Variants in SNTG1 observed in about 807,000 individuals in gnomAD.
The protein encoded by SNTG1 is syntrophin gamma 1, also known as gamma-1-syntrophin.
In SNTG1, 39 loss-of-function variants were observed where a neutral mutation model predicts 74.7. The ratio of observed to expected loss-of-function variants is 0.52; its 90% confidence interval spans 0.40 to 0.68. SNTG1 has a LOEUF of 0.68. SNTG1 is among the 30% of genes least tolerant of loss of function. The pLI is 0.00. For missense variants in SNTG1, 685 were observed against 609.5 expected (o/e 1.12, Z -1.30); for synonymous variants, 254 against 217.1 (o/e 1.17, Z -1.49).
At chr8:49,959,819 A>G (rs1190146667) in intron 1 of SNTG1, among the ~76,000 whole-genome samples, 1 of 152,180 alleles carries the variant, frequency 6.6e-6, no homozygotes, top group East Asian at 1.9e-4. Context: ...TTAGAATACA[A>G]ATGGTAACCT....
chr8:50,303,692 T>G (rs2089752842), intron 2 of SNTG1, among the ~76,000 whole-genome samples: 1 of 152,032 alleles, frequency 6.6e-6, no homozygotes, highest in South Asian at 2.1e-4. Context: ...TTATTAAATA[T>G]ATAATTTTTA....
At chr8:50,654,251 TATTCTC>T (rs1420286263) in intron 13 of SNTG1, among the ~76,000 whole-genome samples, 1 of 152,278 alleles carries the variant, frequency 6.6e-6, no homozygotes, top group East Asian at 1.9e-4. Context: ...CTTTTTCTCT[TATTCTC>T]ATATATGTTT....
chr8:50,648,209 ACT>A (rs1258587810), intron 13 of SNTG1, among the ~76,000 whole-genome samples: 1 of 152,130 alleles, frequency 6.6e-6, no homozygotes, highest in African/African-American at 2.4e-5. Flanking sequence ...CCAAAGCTAA[ACT>A]CAGTTCAAAA....
intron 5 of SNTG1, among the ~76,000 whole-genome samples, chr8:50,449,280 C>T (rs553605807): frequency 6.6e-6 from 1 of 152,104 alleles, no homozygotes; most frequent in Non-Finnish European, 1.5e-5. Flanking sequence ...GTCACTGCAC[C>T]ACCAAAAGCC....
intron 2 of SNTG1, among the ~76,000 whole-genome samples, chr8:50,312,713 G>A (rs62515925): frequency 0.16 from 24,259 of 149,696 alleles, 2,820 homozygotes; most frequent in Middle Eastern, 0.28. Flanking sequence ...TCATCTCTAC[G>A]TTTTCTCAAT....
intron 1 of SNTG1, among the ~76,000 whole-genome samples, chr8:50,120,644 C>T (rs2080966658): frequency 7.1e-6 from 1 of 141,844 alleles, no homozygotes; most frequent in Non-Finnish European, 1.6e-5. Flanking sequence ...CTGTCACTAC[C>T]AACCTCACCA....
At chr8:50,101,009 C>T (rs2080101339) in intron 1 of SNTG1, among the ~76,000 whole-genome samples, 1 of 152,116 alleles carries the variant, frequency 6.6e-6, no homozygotes, top group Admixed American at 6.6e-5. Context: ...TTATCTCCAA[C>T]TTATAAACAA....
chr8:50,714,842 C>G (rs1166042521), intron 17 of SNTG1, among the ~76,000 whole-genome samples: 1 of 151,916 alleles, frequency 6.6e-6, no homozygotes, highest in Admixed American at 6.6e-5. Context: ...CAGCTTGCAT[C>G]AAGCAGGTGG....
At chr8:50,142,523 TTAAG>T (rs2081700489) in intron 1 of SNTG1, among the ~76,000 whole-genome samples, 1 of 151,452 alleles carries the variant, frequency 6.6e-6, no homozygotes, top group African/African-American at 2.4e-5. Flanking sequence ...AAGCAGTTGG[TTAAG>T]TGAGAGAATT....
intron 12 of SNTG1, among the ~76,000 whole-genome samples, chr8:50,573,461 A>G (rs529211324): frequency 6.6e-6 from 1 of 152,096 alleles, no homozygotes; most frequent in African/African-American, 2.4e-5. Context: ...AGAGGTTACC[A>G]TTATTAACAT....
chr8:50,465,417 G>T (rs1234467487), intron 8 of SNTG1, among the ~76,000 whole-genome samples: 1 of 152,084 alleles, frequency 6.6e-6, no homozygotes, highest in Admixed American at 6.5e-5. Context: ...GTCACATTCT[G>T]CATTTTGTCA....
intron 13 of SNTG1, among the ~76,000 whole-genome samples, chr8:50,645,801 A>G (rs1046257052): frequency 6.6e-6 from 1 of 152,084 alleles, no homozygotes; most frequent in Non-Finnish European, 1.5e-5. Context: ...AGGAGGGCTC[A>G]GAAATCAAAT....
At chr8:50,229,067 T>C (rs746453159) in intron 2 of SNTG1, among the ~76,000 whole-genome samples, 2 of 151,664 alleles carry the variant, frequency 1.3e-5, no homozygotes, top group Non-Finnish European at 3.0e-5. Flanking sequence ...TATTTGATTG[T>C]GGATTTAGAT....
intron 2 of SNTG1, among the ~76,000 whole-genome samples, chr8:50,295,405 T>C (rs1422245318): frequency 6.6e-6 from 1 of 152,208 alleles, no homozygotes; most frequent in Non-Finnish European, 1.5e-5. Context: ...TTTTGAAGTT[T>C]ACCTTAAAGG....
chr8:50,325,086 A>T (rs1238250146), intron 2 of SNTG1, among the ~76,000 whole-genome samples: 1 of 149,612 alleles, frequency 6.7e-6, no homozygotes, highest in Non-Finnish European at 1.5e-5. Flanking sequence ...ATGCATATAT[A>T]CATATATAAA....
chr8:50,753,703 C>T (rs576219840), intron 18 of SNTG1, among the ~76,000 whole-genome samples: 1 of 151,786 alleles, frequency 6.6e-6, no homozygotes, highest in South Asian at 2.1e-4. Context: ...TTTAAGCTTT[C>T]TCTCATATGT....
chr8:50,537,818 A>T (rs2130419765), intron 11 of SNTG1, among the ~76,000 whole-genome samples: 1 of 152,320 alleles, frequency 6.6e-6, no homozygotes, highest in Non-Finnish European at 1.5e-5. Flanking sequence ...GCACAAAAAT[A>T]GCCATATACA....
chr8:50,230,077 A>G (rs2132055450), intron 2 of SNTG1, among the ~76,000 whole-genome samples: 1 of 151,680 alleles, frequency 6.6e-6, no homozygotes, highest in African/African-American at 2.4e-5. Context: ...GATGTGGCAA[A>G]TGCAATGTCT....
chr8:50,618,171 G>A (rs1389887553), intron 13 of SNTG1, among the ~76,000 whole-genome samples: 1 of 152,102 alleles, frequency 6.6e-6, no homozygotes, highest in Non-Finnish European at 1.5e-5. Flanking sequence ...CAAGTAACTG[G>A]AATATAGTCA....
Sources: allele counts gnomAD v4.1 joint callset (sites outside exome capture counted in the v4.1 genomes callset), GRCh38; gene constraint gnomAD v4.1.1; transcripts MANE v1.5; gene names NCBI Gene and HGNC (gene_info 2026-07-23, HGNC 2026-07-21).